Variants in GPC6 observed in about 807,000 individuals in gnomAD.
GPC6 encodes glypican 6, also known as glypican-6.
GPC6 carries 14 observed loss-of-function variants against 55.2 expected under a neutral mutation model. That is an observed-to-expected ratio of 0.25 (90% CI 0.17 to 0.40). The LOEUF (loss-of-function observed/expected upper bound fraction) is 0.40. GPC6 is among the 10% of genes least tolerant of loss of function. GPC6 has a pLI of 1.00. For synonymous variants in GPC6, 278 were observed against 259.6 expected, an observed-to-expected ratio of 1.07 and a Z score of -0.68; for missense variants, 641 against 708.5, an observed-to-expected ratio of 0.90 and a Z score of 1.08.
intron 1 of GPC6, among the ~76,000 whole-genome samples, chr13:93,340,026 C>CTTTTTTTTTTTTTT (rs10714044): frequency 1.2e-5 from 1 of 81,618 alleles, no homozygotes; most frequent in Non-Finnish European, 2.2e-5. Context: ...AGTTTTCTTT[C>CTTTTTTTTTTTTTT]TTTTTTTTTT....
At chr13:93,332,801 G>T (rs78496489) in intron 1 of GPC6, among the ~76,000 whole-genome samples, 1,752 of 152,062 alleles carry the variant, frequency 0.012, 15 homozygotes, top group Non-Finnish European at 0.019. Flanking sequence ...TGTTTTGTTT[G>T]TTTGTTTGTT....
At chr13:93,755,873 A>T (rs1023641290) in intron 2 of GPC6, among the ~76,000 whole-genome samples, 1 of 152,168 alleles carries the variant, frequency 6.6e-6, no homozygotes, top group African/African-American at 2.4e-5. Flanking sequence ...AAAGAACAGA[A>T]TTTTTTTGAA....
chr13:94,149,081 C>G (rs1887652288), intron 4 of GPC6, among the ~76,000 whole-genome samples: 1 of 152,106 alleles, frequency 6.6e-6, no homozygotes, highest in Non-Finnish European at 1.5e-5. Context: ...AACACATTCC[C>G]TTTTTCATGG....
rs759431772 is a variant in GPC6, at chr13:93,830,550, T to A, written c.711+5T>A. On this transcript the variant is annotated splice_donor_5th_base_variant and intron_variant, in intron 3 of 8. Coordinates refer to ENST00000377047, the MANE Select transcript of GPC6 (RefSeq NM_005708.5). ...GTTGCAAACCGAGTTTCCAAGGTAA[T>A]TGAAAACGTGCTTTCTTTCTCATTG... The A allele has an allele frequency of 1.9e-6, 3 of 1,608,722 alleles. No homozygotes were observed. In the Admixed American group the frequency reaches 5.0e-5, roughly 27 times the overall value.
chr13:94,115,642 C>T (rs1886409552), intron 4 of GPC6, among the ~76,000 whole-genome samples: 1 of 152,060 alleles, frequency 6.6e-6, no homozygotes, highest in South Asian at 2.1e-4. Flanking sequence ...ACTGGTAGCT[C>T]ATAGAAACCT....
chr13:94,289,191 C>T (rs1874804171), intron 5 of GPC6, among the ~76,000 whole-genome samples: 2 of 151,426 alleles, frequency 1.3e-5, no homozygotes, highest in Non-Finnish European at 2.9e-5. Context: ...AAGAAATGGA[C>T]CCATTTCAAG....
intron 2 of GPC6, among the ~76,000 whole-genome samples, chr13:93,654,066 A>G (rs945775975): frequency 2.0e-5 from 3 of 152,076 alleles, no homozygotes; most frequent in Non-Finnish European, 4.4e-5. Flanking sequence ...TTCATTTTGT[A>G]TGTTGAGAAG....
chr13:93,255,840 A>C (rs1299782971), intron 1 of GPC6, among the ~76,000 whole-genome samples: 1 of 152,110 alleles, frequency 6.6e-6, no homozygotes, highest in African/African-American at 2.4e-5. Context: ...TTTTCTTGTG[A>C]TCTAGTACAT....
Position 94,008,377 on chromosome 13 carries a change from A to C in GPC6, c.712-19352A>C, listed in dbSNP as rs181149197. Among the ~76,000 whole-genome samples, 3 of 152,324 alleles carry C rather than the reference A, an allele frequency of 2.0e-5. No individual in the cohort carries two copies. In the East Asian group the frequency reaches 5.8e-4, roughly 29 times the overall value. ...TAAGTTGTTATCTAAAATTTTTATC[A>C]TAAGTTTAAATAGATGCCAGTAATC... On this transcript the variant is annotated intron_variant, in intron 3 of 8. Coordinates refer to ENST00000377047, the MANE Select transcript of GPC6 (RefSeq NM_005708.5).
At chr13:93,866,173 T>C (rs1477463332) in intron 3 of GPC6, among the ~76,000 whole-genome samples, 1 of 151,700 alleles carries the variant, frequency 6.6e-6, no homozygotes, top group Non-Finnish European at 1.5e-5. Context: ...ATATGCCTTT[T>C]TGAAAGTAAT....
chr13:94,081,528 G>A (rs1458589272), intron 4 of GPC6, among the ~76,000 whole-genome samples: 1 of 152,144 alleles, frequency 6.6e-6, no homozygotes, highest in East Asian at 1.9e-4. Flanking sequence ...AATGGACACA[G>A]GAGAGAGAAG....
At chr13:93,270,252 T>TAAA (rs5805797) in intron 1 of GPC6, among the ~76,000 whole-genome samples, 111 of 141,708 alleles carry the variant, frequency 7.8e-4, no homozygotes, top group African/African-American at 2.0e-3. Flanking sequence ...CTTTTCTCCT[T>TAAA]AAAAAAAAAA....
intron 4 of GPC6, among the ~76,000 whole-genome samples, chr13:94,119,513 G>A (rs1044956894): frequency 6.6e-6 from 1 of 152,124 alleles, no homozygotes; most frequent in East Asian, 1.9e-4. Context: ...CAGGTGCAAA[G>A]CCTGGAGACA....
chr13:93,585,806 T>A (rs2139497571), intron 2 of GPC6, among the ~76,000 whole-genome samples: 1 of 152,310 alleles, frequency 6.6e-6, no homozygotes, highest in South Asian at 2.1e-4. Flanking sequence ...AGGCCTAAAC[T>A]GCATCAACAG....
At chr13:94,159,548 C>CATGATTCA (rs371615131) in intron 4 of GPC6, among the ~76,000 whole-genome samples, 12 of 152,226 alleles carry the variant, frequency 7.9e-5, no homozygotes, top group African/African-American at 2.9e-4. Flanking sequence ...AAACTGCCCT[C>CATGATTCA]ATGATTCAAT....
intron 3 of GPC6, among the ~76,000 whole-genome samples, chr13:94,025,148 G>T (rs896844540): frequency 6.6e-6 from 1 of 152,162 alleles, no homozygotes. Flanking sequence ...AATACCAATG[G>T]TGAGATAACC....
Position 93,276,380 on chromosome 13 carries a change from CT to C in GPC6, c.160+48768del, listed in dbSNP as rs1381361481. Among the ~76,000 whole-genome samples the C allele has an allele frequency of 4.0e-5, 6 of 151,794 alleles. No homozygotes were observed. The East Asian group carries it at 1.2e-3, about 30-fold the overall frequency. ...AAGTCAAATGAACTAACAAGGATCC[CT>C]TTTAACTCTGATGTGAAGTACTTTG... On this transcript the variant is annotated intron_variant, in intron 1 of 8. Transcript: ENST00000377047.
intron 4 of GPC6, among the ~76,000 whole-genome samples, chr13:94,258,386 A>C (rs1025323246): frequency 4.6e-5 from 7 of 152,238 alleles, no homozygotes; most frequent in African/African-American, 1.4e-4. Flanking sequence ...AATAAATGTA[A>C]GTGAAGCATA....
At chr13:93,321,569 C>A (rs1040382601) in intron 1 of GPC6, among the ~76,000 whole-genome samples, 1 of 152,100 alleles carries the variant, frequency 6.6e-6, no homozygotes, top group Non-Finnish European at 1.5e-5. Flanking sequence ...CCAGCAATAA[C>A]AATAGAATCA....
Sources: allele counts gnomAD v4.1 joint callset (sites outside exome capture counted in the v4.1 genomes callset), GRCh38; gene constraint gnomAD v4.1.1; transcripts MANE v1.5; gene names NCBI Gene and HGNC (gene_info 2026-07-23, HGNC 2026-07-21).